Variants in WDR82 observed in about 807,000 individuals in gnomAD.
WDR82 encodes the protein WD repeat domain 82, also known as WD repeat-containing protein 82.
Under a neutral mutation model 36.1 loss-of-function variants are expected in WDR82, and 8 were observed. The ratio of observed to expected loss-of-function variants is 0.22; its 90% CI spans 0.13 to 0.40. The LOEUF (loss-of-function observed/expected upper bound fraction) is 0.40. Ranked by LOEUF, WDR82 falls within the 10% of genes least tolerant of loss-of-function variation. The pLI, the probability that WDR82 is intolerant of heterozygous loss-of-function variation, is 1.00. For missense variants in WDR82, 185 were observed against 400.5 expected, an observed-to-expected ratio of 0.46 and a Z score of 4.59; for synonymous variants, 129 against 137.8, an observed-to-expected ratio of 0.94 and a Z score of 0.45.
chr3:52,272,543 C>CAAAAAAAAAAAAAAAAA (rs538212712), intron 1 of WDR82, among the ~76,000 whole-genome samples: 32 of 100,232 alleles, frequency 3.2e-4, no homozygotes, highest in African/African-American at 4.8e-4. Flanking sequence ...GACTCCATCT[C>CAAAAAAAAAAAAAAAAA]AAAAAAAAAA....
At chr3:52,276,221 G>C (rs1195189371) in intron 1 of WDR82, among the ~76,000 whole-genome samples, 1 of 152,044 alleles carries the variant, frequency 6.6e-6, no homozygotes, top group African/African-American at 2.4e-5. Flanking sequence ...ATCACTTGAG[G>C]TCAGGAGTTC....
At position 52,257,517 on chromosome 3, in the gene WDR82, G is replaced by C. The variant is rs1410863093; in HGVS notation, c.915C>G (p.Ala305=). Residue 305 remains alanine, a splice_region_variant and synonymous_variant, in exon 9 of 9, where the codon GCC becomes GCG. Coordinates refer to ENST00000296490, the MANE Select transcript of WDR82 (RefSeq NM_025222.4). ...AGTCATCAATGGTGGGCAACCAAAA[G>C]GCCTAGAAGGAGAACATAAATCAAC... ...MTFASACSNM[A]FWLPTIDD 1 of 1,613,930 alleles carries C rather than the reference G, an allele frequency of 6.2e-7. No homozygotes were observed. The highest frequency in any genetic ancestry group is 8.5e-7 in the Non-Finnish European group (1 of 1,180,024).
intron 2 of WDR82, chr3:52,268,238 C>T (rs1241648995): frequency 6.6e-6 from 3 of 457,024 alleles, no homozygotes; most frequent in Non-Finnish European, 1.4e-5. Flanking sequence ...CAGGGTGACG[C>T]CATCCTCTCA....
At chr3:52,277,065 AAATAATAATAATAATAATAATAAT>A (rs71084177) in intron 1 of WDR82, among the ~76,000 whole-genome samples, 1 of 141,022 alleles carries the variant, frequency 7.1e-6, no homozygotes, top group South Asian at 2.3e-4. Context: ...CCAAGATCTC[AAATAATAATAATAATAATAATAAT>A]AATAATAATA....
intron 3 of WDR82, 69 bp downstream of exon 3, chr3:52,266,883 T>C: frequency 1.5e-6 from 2 of 1,364,488 alleles, no homozygotes; most frequent in Non-Finnish European, 2.1e-6. Flanking sequence ...AAGCTCTCTC[T>C]AGCCTTCTAT....
At chr3:52,266,698 A>C (rs1387713081) in intron 3 of WDR82, among the ~76,000 whole-genome samples, 2 of 152,182 alleles carry the variant, frequency 1.3e-5, no homozygotes, top group African/African-American at 4.8e-5. Flanking sequence ...GCGGCCTCCC[A>C]AAGTGCTGGG....
At chr3:52,269,654 C>T (rs190655465) in intron 2 of WDR82, among the ~76,000 whole-genome samples, 5 of 152,042 alleles carry the variant, frequency 3.3e-5, no homozygotes, top group South Asian at 2.1e-4. Context: ...TACTTGAACC[C>T]GGGAGGCGGA....
chr3:52,256,060 AG>A lies in WDR82; in HGVS notation c.*1429del, dbSNP rs1559451457. ...AAGAGTGACTATCACACACACACACAGGCACAGACAGAGTACCACCAAGCAA... is the reference window on the plus strand; with the variant it reads ...AAGAGTGACTATCACACACACACACAGCACAGACAGAGTACCACCAAGCAA... On this transcript the variant is annotated 3_prime_UTR_variant, in exon 9 of 9. Transcript: ENST00000296490. 6.5e-6 allele frequency: 1 copy of A among 153,780 alleles called. No individual in the cohort carries two copies. The allele number at this position is 153,780 out of a possible 1,614,324, so 9.5% of individuals were successfully genotyped here. A position where few individuals can be genotyped will look rare whatever the true frequency, so the allele number is the denominator to read the frequency against.
intron 4 of WDR82, among the ~76,000 whole-genome samples, chr3:52,260,933 C>G (rs1396340408): frequency 6.6e-6 from 1 of 152,186 alleles, no homozygotes; most frequent in Non-Finnish European, 1.5e-5. Flanking sequence ...GGAGACTAGC[C>G]TGACCAACAT....
rs1700038502 is a variant in WDR82, at chr3:52,259,202, A to G, written c.764T>C (p.Met255Thr). Residue 255 changes from methionine (M) to threonine (T), a missense_variant, in exon 7 of 9, where the codon ATG (methionine) becomes ACG (threonine). Around this residue, in one of 3 missense-constraint regions of WDR82, gnomAD observed 110 missense variants for 212.6 expected, o/e 0.52. Transcript: ENST00000296490. ...ASFTPDSQFI[M>T]IGSEDGKIHV... ...GGGGATAAAAGGAAACTCACCAATC[A>G]TAATAAACTGAGAGTCTGGAGTAAA... The G allele has an allele frequency of 6.2e-7, 1 of 1,614,024 alleles. No homozygotes were observed. Among genetic ancestry groups the G allele is most frequent in the Non-Finnish European group, 8.5e-7 (1 of 1,179,982 alleles).
chr3:52,267,362 A>G (rs1007698891), intron 2 of WDR82: 5 of 252,428 alleles, frequency 2.0e-5, no homozygotes, highest in Non-Finnish European at 3.8e-5. Context: ...ATAATTTTAG[A>G]TACTGGTCTA....
At chr3:52,273,036 G>C (rs760066406) in intron 1 of WDR82, among the ~76,000 whole-genome samples, 2 of 152,226 alleles carry the variant, frequency 1.3e-5, no homozygotes, top group African/African-American at 2.4e-5. Context: ...TAACCAGTGA[G>C]GCAGTCTCAG....
Position 52,257,359 on chromosome 3 carries a change from A to G in WDR82, c.*131T>C. 7 of 1,265,656 alleles carry G rather than the reference A, an allele frequency of 5.5e-6. No homozygotes were observed. The South Asian group carries it at 6.1e-5, about 11-fold the overall frequency. 78.4% of individuals were successfully genotyped at this position (1,265,656 alleles called of 1,614,324 possible). A position where few individuals can be genotyped will look rare whatever the true frequency, so the allele number is the denominator to read the frequency against. Reference sequence around the variant, plus strand: ...TTTTGAGCAGATGTACAGCACATCCATGGGAAGGCCATGTAAAAGGATGTT... The same window carrying G: ...TTTTGAGCAGATGTACAGCACATCCGTGGGAAGGCCATGTAAAAGGATGTT... On this transcript the variant is annotated 3_prime_UTR_variant, in exon 9 of 9. Transcript: ENST00000296490.
At chr3:52,259,562 AAG>A (rs1277513970) in intron 6 of WDR82, among the ~76,000 whole-genome samples, 153 bp downstream of exon 6, 1 of 152,232 alleles carries the variant, frequency 6.6e-6, no homozygotes, top group Non-Finnish European at 1.5e-5. Flanking sequence ...TACGAAATCC[AAG>A]AGAGGTAAGT....
At chr3:52,275,099 T>C (rs968351283) in intron 1 of WDR82, among the ~76,000 whole-genome samples, 4 of 151,886 alleles carry the variant, frequency 2.6e-5, no homozygotes, top group Admixed American at 1.3e-4. Flanking sequence ...CGCATGCCTG[T>C]AATCCCAGCT....
Position 52,255,232 on chromosome 3 carries a change from G to C in WDR82, c.*2258C>G, listed in dbSNP as rs144285375. ...GCTGGGATTACAGGTGTGAGCCACC[G>C]CGCCCAGCCTTGAGGTGGCATGTTT... On this transcript the variant is annotated 3_prime_UTR_variant, in exon 9 of 9. Coordinates refer to ENST00000296490, the MANE Select transcript of WDR82 (RefSeq NM_025222.4). 6.7e-6 allele frequency: 1 copy of C among 150,234 alleles called. No homozygotes were observed. The highest frequency in any genetic ancestry group is 2.0e-4 in the East Asian group (1 of 5,074). 9.3% of individuals were successfully genotyped at this position (150,234 alleles called of 1,614,324 possible).
In WDR82 at chr3:52,278,183, G is replaced by T; in HGVS notation, c.161+18C>A. ...GGGAGGCACTGAGACTCGGGCCCAG[G>T]GCCTCCGCCGCACTCACTTGCCCTC... On this transcript the variant is annotated intron_variant, in intron 1 of 8. Coordinates refer to ENST00000296490, the MANE Select transcript of WDR82 (RefSeq NM_025222.4). 6.3e-7 allele frequency: 1 copy of T among 1,583,238 alleles called. No homozygotes were observed. Among genetic ancestry groups the T allele is most frequent in the Non-Finnish European group, 8.6e-7 (1 of 1,163,764 alleles).
intron 3 of WDR82, among the ~76,000 whole-genome samples, chr3:52,265,841 G>A (rs1010445117): frequency 2.6e-5 from 4 of 152,028 alleles, no homozygotes; most frequent in Admixed American, 6.6e-5. Flanking sequence ...CTTCCAAAGA[G>A]CTGGGATTAC....
chr3:52,269,331 C>T (rs948198462), intron 2 of WDR82, among the ~76,000 whole-genome samples: 4 of 152,028 alleles, frequency 2.6e-5, no homozygotes, highest in African/African-American at 7.2e-5. Flanking sequence ...AAAAATTAGC[C>T]GGGCGTGTTG....
Sources: allele counts gnomAD v4.1 joint callset (sites outside exome capture counted in the v4.1 genomes callset), GRCh38; gene constraint gnomAD v4.1.1; regional missense constraint gnomAD v4.1.1; transcripts MANE v1.5; gene names NCBI Gene and HGNC (gene_info 2026-07-23, HGNC 2026-07-21).